The following NELL1 variants were observed in gnomAD, a reference collection of about 807,000 sequenced individuals.
NELL1 encodes protein kinase C-binding protein NELL1.
Under a neutral mutation model 107.4 loss-of-function variants are expected in NELL1, and 76 were observed. That is an observed-to-expected ratio of 0.71 (90% confidence interval 0.59 to 0.86). NELL1 has a LOEUF of 0.86. NELL1 is among the 40% of genes least tolerant of loss of function. The pLI is 0.00. For synonymous variants in NELL1, 353 were observed against 341.2 expected (o/e 1.03, Z -0.38); for missense variants, 1,024 against 1,005.5 (o/e 1.02, Z -0.25).
chr11:21,348,470 A>G (rs1850732818), intron 14 of NELL1, among the ~76,000 whole-genome samples: 1 of 152,156 alleles, frequency 6.6e-6, no homozygotes, highest in Non-Finnish European at 1.5e-5. Context: ...TTTTAATAAA[A>G]TGTGTCTGGT....
intron 2 of NELL1, among the ~76,000 whole-genome samples, chr11:20,707,142 C>T (rs1854985224): frequency 6.6e-6 from 1 of 152,208 alleles, no homozygotes; most frequent in Non-Finnish European, 1.5e-5. Flanking sequence ...CTTTGTTCCA[C>T]TTGGTCGAAT....
At chr11:21,427,574 T>C (rs1173636768) in intron 15 of NELL1, among the ~76,000 whole-genome samples, 1 of 152,122 alleles carries the variant, frequency 6.6e-6, no homozygotes, top group Non-Finnish European at 1.5e-5. Flanking sequence ...TAGTAAGTGC[T>C]AAAAAATGTT....
chr11:20,964,600 C>A (rs1851353466), intron 12 of NELL1, among the ~76,000 whole-genome samples: 1 of 152,146 alleles, frequency 6.6e-6, no homozygotes, highest in South Asian at 2.1e-4. Flanking sequence ...AGATGATCCT[C>A]AACTCATTTC....
chr11:21,122,080 T>G (rs560504217), intron 13 of NELL1, among the ~76,000 whole-genome samples: 1 of 152,312 alleles, frequency 6.6e-6, no homozygotes, highest in Non-Finnish European at 1.5e-5. Context: ...TGGGAGTTCC[T>G]TTTTATTCCT....
chr11:21,572,104 CA>C (rs56410347), intron 18 of NELL1, among the ~76,000 whole-genome samples: 108,449 of 151,582 alleles, frequency 0.72, 40,326 homozygotes, highest in Non-Finnish European at 0.83. Flanking sequence ...CACCCAAGGA[CA>C]AAAAAAGTCA....
rs1027750558 is a variant in NELL1 at position 21,178,483 on chromosome 11, T to C, written c.1427-50849T>C. ...ATTTCTTTTTCAATTATAAAATTCT[T>C]TGGGTGGGAATCGTAGCTCACACCT... On this transcript the variant is annotated intron_variant, in intron 13 of 19. Transcript: ENST00000357134. Among the ~76,000 whole-genome samples the C allele has an allele frequency of 1.3e-4, 20 of 151,768 alleles. 2 individuals carry two copies. Among genetic ancestry groups the C allele is most frequent in the African/African-American group, 4.1e-4 (17 of 41,070 alleles).
chr11:21,310,830 T>A (rs1849734545), intron 14 of NELL1, among the ~76,000 whole-genome samples: 2 of 152,200 alleles, frequency 1.3e-5, no homozygotes, highest in Admixed American at 1.3e-4. Context: ...TCTCAGAAGG[T>A]AATGTGGGCT....
chr11:20,959,436 A>G (rs1338313478), intron 11 of NELL1, among the ~76,000 whole-genome samples: 2 of 152,220 alleles, frequency 1.3e-5, no homozygotes, highest in African/African-American at 4.8e-5. Flanking sequence ...ATGCCCATCA[A>G]TCAGAGTGGA....
chr11:20,806,273 T>A (rs913968391), intron 3 of NELL1, among the ~76,000 whole-genome samples: 1 of 151,738 alleles, frequency 6.6e-6, no homozygotes, highest in Non-Finnish European at 1.5e-5. Flanking sequence ...TGTGTGTGTG[T>A]GTGTGTGTGT....
intron 13 of NELL1, among the ~76,000 whole-genome samples, chr11:21,176,537 C>T (rs947653600): frequency 3.3e-5 from 5 of 151,802 alleles, no homozygotes; most frequent in African/African-American, 1.2e-4. Flanking sequence ...AGGCTTGAAC[C>T]AATTAGTGAT....
intron 14 of NELL1, among the ~76,000 whole-genome samples, chr11:21,360,196 A>G (rs1851042086): frequency 6.6e-6 from 1 of 152,052 alleles, no homozygotes; most frequent in South Asian, 2.1e-4. Context: ...TGTCACCATT[A>G]TCATTCAACT....
At chr11:20,863,231 C>T (rs1849015728) in intron 4 of NELL1, among the ~76,000 whole-genome samples, 1 of 146,756 alleles carries the variant, frequency 6.8e-6, no homozygotes. Flanking sequence ...CAGAGGCGCC[C>T]CCCACCTCCC....
chr11:20,800,108 T>C (rs1464776377), intron 3 of NELL1, among the ~76,000 whole-genome samples: 1 of 152,202 alleles, frequency 6.6e-6, no homozygotes, highest in Non-Finnish European at 1.5e-5. Context: ...CAATCCACCA[T>C]TGATGGGCAC....
intron 2 of NELL1, among the ~76,000 whole-genome samples, chr11:20,716,462 A>C (rs1855252685): frequency 6.6e-6 from 1 of 152,220 alleles, no homozygotes. Context: ...ATAATTGCAA[A>C]ATAAATGGAA....
intron 7 of NELL1, among the ~76,000 whole-genome samples, chr11:20,924,236 C>T (rs543575212): frequency 3.4e-4 from 51 of 152,210 alleles, no homozygotes; most frequent in African/African-American, 1.1e-3. Flanking sequence ...TCCTTTATTG[C>T]CGTTTTAGGA....
At chr11:21,217,943 T>A (rs984692187) in intron 13 of NELL1, among the ~76,000 whole-genome samples, 3 of 152,146 alleles carry the variant, frequency 2.0e-5, no homozygotes, top group Non-Finnish European at 4.4e-5. Flanking sequence ...CCTGAGACTT[T>A]CCATGGACAG....
At chr11:21,539,155 G>A (rs545868684) in intron 16 of NELL1, among the ~76,000 whole-genome samples, 28 of 152,170 alleles carry the variant, frequency 1.8e-4, no homozygotes, top group African/African-American at 6.5e-4. Context: ...CAAAGATGTG[G>A]CTTGTCTGAT....
intron 15 of NELL1, among the ~76,000 whole-genome samples, chr11:21,419,425 G>T (rs1477948713): frequency 6.6e-6 from 1 of 152,070 alleles, no homozygotes; most frequent in Non-Finnish European, 1.5e-5. Flanking sequence ...TTAGGAAAAA[G>T]AAACTTCTAA....
chr11:20,676,490 G>A (rs980175581), intron 1 of NELL1, among the ~76,000 whole-genome samples: 1 of 152,082 alleles, frequency 6.6e-6, no homozygotes, highest in Non-Finnish European at 1.5e-5. Flanking sequence ...ACTGGAAGGG[G>A]AAAACTTAAA....
Sources: gnomAD v4.1 joint callset for allele counts (sites outside exome capture counted in the v4.1 genomes callset) on GRCh38, gnomAD v4.1.1 for gene constraint, MANE v1.5 for transcripts, NCBI Gene and HGNC (gene_info 2026-07-23, HGNC 2026-07-21) for gene names.